MARCHF4: variants seen among roughly 807,000 people sequenced by gnomAD.
MARCHF4 encodes E3 ubiquitin-protein ligase MARCHF4.
A neutral mutation model predicts 43.9 loss-of-function variants in MARCHF4; 14 were observed. The ratio of observed to expected loss-of-function variants is 0.32; its 90% CI spans 0.21 to 0.50. MARCHF4 has a LOEUF of 0.50. Among genes scored for constraint, MARCHF4 ranks in the 20% least tolerant of loss-of-function variants. The probability of loss-of-function intolerance (pLI) is 0.98; values close to 1 mark genes in which losing one functional copy is unlikely to be tolerated. For synonymous variants in MARCHF4, 226 were observed against 213.3 expected (o/e 1.06, Z -0.52); for missense variants, 468 against 536.7 (o/e 0.87, Z 1.27).
intron 1 of MARCHF4, among the ~76,000 whole-genome samples, chr2:216,351,007 T>C (rs1325091825): frequency 6.6e-6 from 1 of 152,118 alleles, no homozygotes; most frequent in Admixed American, 6.5e-5. Flanking sequence ...ACAAACAAGT[T>C]ACCCAACCCT....
intron 1 of MARCHF4, among the ~76,000 whole-genome samples, chr2:216,324,942 A>T (rs905918783): frequency 3.3e-5 from 5 of 150,868 alleles, no homozygotes; most frequent in Non-Finnish European, 7.4e-5. Flanking sequence ...CCTATTCAAC[A>T]TAGTGTTGGA....
chr2:216,261,294 G>C (rs1307368121), intron 3 of MARCHF4, among the ~76,000 whole-genome samples: 1 of 152,114 alleles, frequency 6.6e-6, no homozygotes. Flanking sequence ...CTGTCTTCTT[G>C]CCTTTTTTCA....
At chr2:216,275,445 C>T (rs2105936842) in intron 3 of MARCHF4, among the ~76,000 whole-genome samples, 1 of 152,270 alleles carries the variant, frequency 6.6e-6, no homozygotes, top group Middle Eastern at 3.4e-3. Flanking sequence ...GTAGGTTTTC[C>T]ATAGGTCACA....
intron 1 of MARCHF4, among the ~76,000 whole-genome samples, chr2:216,312,433 C>CTTTTT (rs1056788234): frequency 6.6e-6 from 1 of 152,034 alleles, no homozygotes; most frequent in East Asian, 1.9e-4. Context: ...GTACAGGTGT[C>CTTTTT]TTTTTTAACA....
intron 1 of MARCHF4, among the ~76,000 whole-genome samples, chr2:216,330,700 C>G (rs1173183543): frequency 6.6e-6 from 1 of 151,826 alleles, no homozygotes; most frequent in Non-Finnish European, 1.5e-5. Context: ...AACTAGAAAT[C>G]AATAACAAAA....
At chr2:216,353,048 C>T (rs1574486115) in intron 1 of MARCHF4, among the ~76,000 whole-genome samples, 1 of 152,200 alleles carries the variant, frequency 6.6e-6, no homozygotes, top group Non-Finnish European at 1.5e-5. Flanking sequence ...AGCCACCCAC[C>T]AGCTTCTACA....
At chr2:216,278,594 G>A (rs1043998760) in intron 2 of MARCHF4, among the ~76,000 whole-genome samples, 4 of 152,094 alleles carry the variant, frequency 2.6e-5, no homozygotes, top group Non-Finnish European at 4.4e-5. Flanking sequence ...GAGTGCACAG[G>A]CTTTTTTGTT....
chr2:216,273,224 G>A (rs1013375180), intron 3 of MARCHF4, among the ~76,000 whole-genome samples: 1 of 152,180 alleles, frequency 6.6e-6, no homozygotes, highest in African/African-American at 2.4e-5. Flanking sequence ...CATTGTTAAC[G>A]ATTTGTTAAA....
At chr2:216,295,484 C>A (rs555607214) in intron 1 of MARCHF4, among the ~76,000 whole-genome samples, 1 of 152,124 alleles carries the variant, frequency 6.6e-6, no homozygotes, top group Non-Finnish European at 1.5e-5. Context: ...GGATTACAGG[C>A]GTGAGCCACT....
chr2:216,262,775 C>T (rs950115303), intron 3 of MARCHF4, among the ~76,000 whole-genome samples: 2 of 152,116 alleles, frequency 1.3e-5, no homozygotes, highest in African/African-American at 4.8e-5. Flanking sequence ...TATATTTTAA[C>T]ATCATCATTC....
At chr2:216,356,716 A>G (rs748259735) in intron 1 of MARCHF4, among the ~76,000 whole-genome samples, 2 of 152,140 alleles carry the variant, frequency 1.3e-5, no homozygotes, top group Non-Finnish European at 2.9e-5. Context: ...ATAACATTAA[A>G]CTTATTTTAA....
At chr2:216,316,507 G>C (rs1691779133) in intron 1 of MARCHF4, among the ~76,000 whole-genome samples, 1 of 152,136 alleles carries the variant, frequency 6.6e-6, no homozygotes. Flanking sequence ...GTGGAAGAAG[G>C]AAATTTCATT....
intron 1 of MARCHF4, among the ~76,000 whole-genome samples, chr2:216,353,883 G>C (rs1432593912): frequency 6.6e-6 from 1 of 152,116 alleles, no homozygotes; most frequent in African/African-American, 2.4e-5. Context: ...GGAAAACAAT[G>C]CCTACTCTTC....
chr2:216,332,447 C>A (rs1379969197), intron 1 of MARCHF4, among the ~76,000 whole-genome samples: 1 of 150,446 alleles, frequency 6.6e-6, no homozygotes, highest in Non-Finnish European at 1.5e-5. Flanking sequence ...AAACCCGAAA[C>A]CCCCCAAATT....
intron 1 of MARCHF4, among the ~76,000 whole-genome samples, chr2:216,327,074 T>C (rs1490307969): frequency 6.6e-6 from 1 of 152,182 alleles, no homozygotes; most frequent in Admixed American, 6.5e-5. Flanking sequence ...GTTTGGCATA[T>C]ACTAAGTGAC....
intron 1 of MARCHF4, among the ~76,000 whole-genome samples, chr2:216,284,223 A>G (rs1396952230): frequency 1.3e-5 from 2 of 150,686 alleles, no homozygotes; most frequent in Admixed American, 6.6e-5. Flanking sequence ...AGATGTGGGG[A>G]TCTAGGAGGT....
intron 1 of MARCHF4, among the ~76,000 whole-genome samples, chr2:216,320,675 C>CTTTCTT (rs747734983): frequency 1.2e-4 from 4 of 33,102 alleles, no homozygotes; most frequent in East Asian, 7.9e-4. Flanking sequence ...TTCTTTCTTT[C>CTTTCTT]TTTTTTTTTT....
chr2:216,319,606 A>G (rs1691846833), intron 1 of MARCHF4, among the ~76,000 whole-genome samples: 1 of 152,060 alleles, frequency 6.6e-6, no homozygotes, highest in South Asian at 2.1e-4. Context: ...GAGTTTGATA[A>G]TTAAAGAAAT....
chr2:216,314,624 G>C (rs578225691), intron 1 of MARCHF4, among the ~76,000 whole-genome samples: 4 of 152,102 alleles, frequency 2.6e-5, no homozygotes, highest in African/African-American at 9.7e-5. Flanking sequence ...TGCTTGGCCT[G>C]TAACTACAAT....
Sources: allele counts gnomAD v4.1 joint callset (sites outside exome capture counted in the v4.1 genomes callset), GRCh38; gene constraint gnomAD v4.1.1; transcripts MANE v1.5; gene names NCBI Gene and HGNC (gene_info 2026-07-23, HGNC 2026-07-21).